The following CDC42EP1 variants were observed in gnomAD, a reference collection of about 807,000 sequenced individuals.
The protein encoded by CDC42EP1 is 55 kDa bone marrow stromal/endothelial cell protein.
Under a neutral mutation model 7.4 loss-of-function variants are expected in CDC42EP1, and 6 were observed. The observed-to-expected ratio is 0.81, with a 90% CI of 0.44 to 1.60. The LOEUF is 1.60. CDC42EP1 is among the 40% of genes most tolerant of loss of function. CDC42EP1 has a pLI of 0.01. For synonymous variants in CDC42EP1, 238 were observed against 227.1 expected (o/e 1.05, Z -0.43); for missense variants, 567 against 539.0 (o/e 1.05, Z -0.51).
rs1925270441 is a variant in CDC42EP1, at chr22:37,566,924, G to A, written c.463+112G>A. On this transcript the variant is annotated intron_variant, in intron 2 of 2. Transcript: ENST00000249014. This position sits in a 1 kb window ranked among gnomAD's most constrained non-coding sequence, Gnocchi z 6.4. Reference sequence around the variant, plus strand: ...AGCTCCAAGTGACCACAGAGGTCAGGCCCAGACCCCACATCATGGATGGGG... The same window carrying A: ...AGCTCCAAGTGACCACAGAGGTCAGACCCAGACCCCACATCATGGATGGGG... The A allele has an allele frequency of 5.6e-6, 4 of 720,396 alleles. No individual in the cohort carries two copies. In the South Asian group the frequency reaches 9.0e-5, roughly 16 times the overall value. The allele number at this position is 720,396 out of a possible 1,614,324, so 44.6% of individuals were successfully genotyped here. A position where few individuals can be genotyped will look rare whatever the true frequency, so the allele number is the denominator to read the frequency against.
chr22:37,568,004 G>A (rs765950049), intron 2 of CDC42EP1, 104 bp from the exon 3 acceptor site: 21 of 918,000 alleles, frequency 2.3e-5, no homozygotes, highest in Non-Finnish European at 3.6e-5. Context: ...AGAGGGGAGG[G>A]ACTAGCCAGA....
intron 1 of CDC42EP1, among the ~76,000 whole-genome samples, chr22:37,563,257 A>AG (rs1925111604): frequency 1.3e-5 from 2 of 152,334 alleles, no homozygotes; most frequent in Middle Eastern, 3.4e-3. Context: ...CCTGCTGAGC[A>AG]GGGAAACTTG....
chr22:37,568,838 C>T lies in CDC42EP1; in HGVS notation c.*18C>T. The T allele has an allele frequency of 1.4e-6, 2 of 1,437,090 alleles. No individual in the cohort carries two copies. The highest frequency in any genetic ancestry group is 9.2e-7 in the Non-Finnish European group (1 of 1,087,816). The allele number at this position is 1,437,090 out of a possible 1,614,324, so 89.0% of individuals were successfully genotyped here. On this transcript the variant is annotated 3_prime_UTR_variant, in exon 3 of 3. Transcript: ENST00000249014. ...AGGTGTGAGGGGCTGGGGCACGGTC[C>T]CAGGGCCCCACCTAGGTGCAGAGCC...
At position 37,566,118 on chromosome 22, in the gene CDC42EP1, T is replaced by G; in HGVS notation, c.-232T>G. Reference sequence around the variant, plus strand: ...AGTTGCCGACCACCTCGGGGGTGCTTTCTCTGCGCTTGAACATCTATAGCT... The same window carrying G: ...AGTTGCCGACCACCTCGGGGGTGCTGTCTCTGCGCTTGAACATCTATAGCT... On this transcript the variant is annotated 5_prime_UTR_variant, in exon 2 of 3. Transcript: ENST00000249014. This position sits in a 1 kb window ranked among gnomAD's most constrained non-coding sequence, Gnocchi z 6.4. 1 of 404,324 alleles carries G rather than the reference T, an allele frequency of 2.5e-6. No individual in the cohort carries two copies. The allele number at this position is 404,324 out of a possible 1,614,324, so 25.0% of individuals were successfully genotyped here.
intron 1 of CDC42EP1, chr22:37,565,578 T>G (rs983713705): frequency 8.3e-5 from 11 of 131,856 alleles, no homozygotes; most frequent in African/African-American, 2.5e-4. Flanking sequence ...TTTTTTTTTT[T>G]TTTTTTTTTT....
chr22:37,564,744 T>C (rs538822117), intron 1 of CDC42EP1, among the ~76,000 whole-genome samples: 1 of 152,350 alleles, frequency 6.6e-6, no homozygotes, highest in South Asian at 2.1e-4. Context: ...GTTTCCCCTC[T>C]CTAATCTCAT....
intron 1 of CDC42EP1, among the ~76,000 whole-genome samples, chr22:37,562,678 T>TG (rs534907913): frequency 1.3e-5 from 2 of 151,858 alleles, no homozygotes; most frequent in Non-Finnish European, 1.5e-5. Flanking sequence ...TGGGTACTAT[T>TG]GGGGGGGTGC....
Position 37,566,318 on chromosome 22 carries a change from C to G in CDC42EP1, c.-32C>G. ...CCTCCCTCCCCCGGCCCCTGGTAGG[C>G]ATGGACTAGCAGCTGTGAGCAGCCA... On this transcript the variant is annotated 5_prime_UTR_variant, in exon 2 of 3. Coordinates refer to ENST00000249014, the MANE Select transcript of CDC42EP1 (RefSeq NM_152243.3). The surrounding 1 kb of genome is among the most constrained non-coding windows in gnomAD (Gnocchi z 6.4). 1.5e-5 allele frequency: 15 copies of G among 979,928 alleles called. No individual in the cohort carries two copies. Among genetic ancestry groups the G allele is most frequent in the South Asian group, 1.2e-4 (6 of 48,094 alleles). The allele number at this position is 979,928 out of a possible 1,614,324, so 60.7% of individuals were successfully genotyped here. A position where few individuals can be genotyped will look rare whatever the true frequency, so the allele number is the denominator to read the frequency against.
In CDC42EP1 at chr22:37,568,699, A is replaced by G; in HGVS notation, c.1055A>G (p.Glu352Gly). 3 of 1,541,824 alleles carry G rather than the reference A, an allele frequency of 1.9e-6. No individual in the cohort carries two copies. The highest frequency in any genetic ancestry group is 2.6e-6 in the Non-Finnish European group (3 of 1,143,634). The part of the protein sequence containing the change: ...EVLPQARASW[E>G]SLDEEWRAPQ... Reference sequence around the variant, plus strand: ...CTGCCCCAAGCCCGGGCCTCCTGGGAGAGCCTGGACGAAGAGTGGAGGGCG... The same window carrying G: ...CTGCCCCAAGCCCGGGCCTCCTGGGGGAGCCTGGACGAAGAGTGGAGGGCG... Residue 352 changes from glutamate to glycine, a missense_variant, in exon 3 of 3, where the codon GAG becomes GGG. By Grantham distance (98) the Glu-to-Gly change is moderately conservative. Transcript: ENST00000249014.
At chr22:37,568,034 ACTGGTCCTGTCTCCC>A in intron 2 of CDC42EP1, 59 bp from the exon 3 acceptor site, 1 of 1,331,926 alleles carries the variant, frequency 7.5e-7, no homozygotes, top group African/African-American at 1.4e-5. Context: ...GCAAGCCAGG[ACTGGTCCTGTCTCCC>A]CTCCTGAATT....
In CDC42EP1 at chr22:37,568,741, G is replaced by A. The variant is rs891352762; in HGVS notation, c.1097G>A (p.Arg366Lys). ...EEWRAPQAGS[R>K]TPVPSTVQAN... ...TGGAGGGCGCCCCAGGCAGGCAGCA[G>A]GACCCCAGTGCCCAGCACAGTGCAA... is the stretch of plus-strand genomic sequence containing the variant. The change falls in exon 3 of 3, where the codon AGG (arginine) becomes AAG (lysine). Residue 366 changes from arginine (R) to lysine (K), a missense_variant. Transcript: ENST00000249014. The A allele has an allele frequency of 6.6e-7, 1 of 1,523,774 alleles. No individual in the cohort carries two copies. Among genetic ancestry groups the A allele is most frequent in the Non-Finnish European group, 8.8e-7 (1 of 1,137,258 alleles). 94.4% of individuals were successfully genotyped at this position (1,523,774 alleles called of 1,614,324 possible).
chr22:37,566,416 TG>T lies in CDC42EP1; in HGVS notation c.70del (p.Val24CysfsTer10). On this transcript the variant is annotated frameshift_variant, in exon 2 of 3. Transcript: ENST00000249014. LOFTEE classifies it high-confidence loss of function. This position sits in a 1 kb window ranked among gnomAD's most constrained non-coding sequence, Gnocchi z 6.4. ...CCTGGGCAAGCTCTCGCCTGTGGGC[TG>T]GGTGTCCAGTTCACAGGGAAAGAGG... is the stretch of plus-strand genomic sequence containing the variant. ...MSLGKLSPVG[W>X]VSSSQGKRRL... 6.2e-7 allele frequency: 1 copy of T among 1,604,890 alleles called. No individual in the cohort carries two copies.
At position 37,566,214 on chromosome 22, in the gene CDC42EP1, G is replaced by T. The variant is rs1257583729; in HGVS notation, c.-136G>T. 2 of 536,716 alleles carry T rather than the reference G, an allele frequency of 3.7e-6. No homozygotes were observed. The highest frequency in any genetic ancestry group is 6.5e-6 in the Non-Finnish European group (2 of 308,492). 33.2% of individuals were successfully genotyped at this position (536,716 alleles called of 1,614,324 possible). ...GAACCCCCCACAGCCTCTGCATTTG[G>T]GGACCTCACCTTAGGAGAGTGCCAT... On this transcript the variant is annotated 5_prime_UTR_variant, in exon 2 of 3. Transcript: ENST00000249014. This position sits in a 1 kb window ranked among gnomAD's most constrained non-coding sequence, Gnocchi z 6.4.
At chr22:37,561,698 TGG>T (rs58111644) in intron 1 of CDC42EP1, among the ~76,000 whole-genome samples, 2 of 151,120 alleles carry the variant, frequency 1.3e-5, no homozygotes, top group East Asian at 3.9e-4. Context: ...TGTCCAGCGG[TGG>T]GGGGGGGCGT....
intron 1 of CDC42EP1, among the ~76,000 whole-genome samples, chr22:37,562,168 C>T (rs1323080901): frequency 2.0e-5 from 3 of 152,214 alleles, no homozygotes; most frequent in Non-Finnish European, 4.4e-5. Flanking sequence ...CTTCCCCATT[C>T]CCCATCGTCT....
At chr22:37,561,607 A>G (rs1925042387) in intron 1 of CDC42EP1, among the ~76,000 whole-genome samples, 1 of 152,228 alleles carries the variant, frequency 6.6e-6, no homozygotes, top group Non-Finnish European at 1.5e-5. Flanking sequence ...GAGCAGGAGA[A>G]GTCAGCCGAC....
chr22:37,561,037 C>G (rs997379766), intron 1 of CDC42EP1, among the ~76,000 whole-genome samples: 2 of 152,080 alleles, frequency 1.3e-5, no homozygotes. Context: ...ACCCTGCCCC[C>G]CTCCCCGACC....
chr22:37,568,470 C>A lies in CDC42EP1; in HGVS notation c.826C>A (p.Pro276Thr), dbSNP rs574213191. ...PTGPAANPPA[P>T]AASSTPHGHC... ...GGGTCCTGCTGCAAATCCCCCAGCC[C>A]CTGCCGCAAGCTCCACACCCCATGG... is the stretch of plus-strand genomic sequence containing the variant. The change falls in exon 3 of 3, where the codon CCT becomes ACT. Residue 276 changes from proline (P) to threonine (T), a missense_variant. Pro to Thr is a conservative substitution (Grantham distance 38, BLOSUM62 -1). Coordinates refer to ENST00000249014, the MANE Select transcript of CDC42EP1 (RefSeq NM_152243.3). The A allele has an allele frequency of 2.8e-5, 45 of 1,605,164 alleles. No homozygotes were observed. In the African/African-American group the frequency reaches 5.7e-4, roughly 20 times the overall value.
Position 37,568,220 on chromosome 22 carries a change from T to TA in CDC42EP1, c.576_577insA (p.Leu193ThrfsTer31). 6.2e-7 allele frequency: 1 copy of TA among 1,613,672 alleles called. No individual in the cohort carries two copies. The highest frequency in any genetic ancestry group is 8.5e-7 in the Non-Finnish European group (1 of 1,179,934). On this transcript the variant is annotated frameshift_variant, in exon 3 of 3. Transcript: ENST00000249014. LOFTEE classifies it low-confidence loss of function (END_TRUNC). ...AGCCCGGGCTTCGCCGCTCTGACTCTCTCTTGTCCTTCCGCCTGGACCTCG... is the reference window on the plus strand; with the variant it reads ...AGCCCGGGCTTCGCCGCTCTGACTCTACTCTTGTCCTTCCGCCTGGACCTCG...
Sources: gnomAD v4.1 joint callset for allele counts (sites outside exome capture counted in the v4.1 genomes callset) on GRCh38, gnomAD v4.1.1 for gene constraint, Gnocchi (gnomAD v3.1) non-coding constraint, MANE v1.5 for transcripts, NCBI Gene and HGNC (gene_info 2026-07-23, HGNC 2026-07-21) for gene names.